Variants in SFR1 observed in about 807,000 individuals in gnomAD.
SFR1 encodes SWI5 dependent homologous recombination repair protein 1.
Under a neutral mutation model 26.2 loss-of-function variants are expected in SFR1, and 24 were observed. The observed-to-expected ratio is 0.92, with a 90% CI of 0.66 to 1.29. The LOEUF (loss-of-function observed/expected upper bound fraction) is 1.29. Among genes scored for constraint, SFR1 ranks in the 50% most tolerant of loss-of-function variants. The pLI, the probability that SFR1 is intolerant of heterozygous loss-of-function variation, is 0.00. For missense variants in SFR1, 276 were observed against 270.2 expected, an observed-to-expected ratio of 1.02 and a Z score of -0.15; for synonymous variants, 77 against 96.6, an observed-to-expected ratio of 0.80 and a Z score of 1.19.
At chr10:104,124,443 G>T (rs2134706658) in intron 3 of SFR1, among the ~76,000 whole-genome samples, 1 of 151,922 alleles carries the variant, frequency 6.6e-6, no homozygotes, top group African/African-American at 2.4e-5. Context: ...AGCTGACAGT[G>T]AATTAGTAAA....
chr10:104,122,344 A>G, intron 1 of SFR1, 148 bp downstream of exon 1: 1 of 1,393,046 alleles, frequency 7.2e-7, no homozygotes, highest in Non-Finnish European at 9.3e-7. Flanking sequence ...GGCTTTCTGC[A>G]ACGGGGGGAA....
Position 104,125,729 on chromosome 10 carries a change from C to T in SFR1, c.*25C>T. ...ATTCCTGATTTTTGCTCCAGAATAT[C>T]TTTGAGAATGACAACTTAATTAAAA... On this transcript the variant is annotated 3_prime_UTR_variant, in exon 4 of 4. Transcript: ENST00000369727. 7.0e-7 allele frequency: 1 copy of T among 1,435,094 alleles called. No homozygotes were observed. Among genetic ancestry groups the T allele is most frequent in the Non-Finnish European group, 9.6e-7 (1 of 1,044,826 alleles). 88.9% of individuals were successfully genotyped at this position (1,435,094 alleles called of 1,614,324 possible). A position where few individuals can be genotyped will look rare whatever the true frequency, so the allele number is the denominator to read the frequency against.
intron 1 of SFR1, chr10:104,122,518 C>A (rs1311713386): frequency 1.0e-6 from 1 of 985,268 alleles, no homozygotes; most frequent in East Asian, 1.1e-4. Context: ...TGCCTCGGGC[C>A]GGCAGGGTAA....
intron 3 of SFR1, among the ~76,000 whole-genome samples, chr10:104,125,129 T>C (rs1057230879): frequency 3.9e-5 from 6 of 152,214 alleles, no homozygotes; most frequent in Admixed American, 3.9e-4. Context: ...ACTTGAATAT[T>C]GTAATTTTAA....
At chr10:104,124,721 A>G (rs2087007123) in intron 3 of SFR1, among the ~76,000 whole-genome samples, 1 of 152,022 alleles carries the variant, frequency 6.6e-6, no homozygotes, top group Admixed American at 6.5e-5. Flanking sequence ...AGTGTATCTC[A>G]TTTGTTCTCT....
At chr10:104,120,264 A>C (rs1263364417), upstream of SFR1, among the ~76,000 whole-genome samples, 1 of 152,234 alleles carries the variant, frequency 6.6e-6, no homozygotes, top group African/African-American at 2.4e-5. Context: ...AACTGATGCC[A>C]ATGGATGAGT....
At chr10:104,125,387 A>T (rs562649105) in intron 3 of SFR1, 126 bp from the exon 4 acceptor site, 2 of 677,868 alleles carry the variant, frequency 3.0e-6, no homozygotes, top group Admixed American at 5.9e-5. Flanking sequence ...TTTTTCCTAG[A>T]TAGAAGTCCC....
chr10:104,123,782 G>A lies in SFR1; in HGVS notation c.204G>A (p.Val68=), dbSNP rs752652566. 11 of 1,611,714 alleles carry A rather than the reference G, an allele frequency of 6.8e-6. 1 individual carries two copies. In the South Asian group the frequency reaches 1.1e-4, roughly 16 times the overall value. ...TTTCATTTAATTCCTCTTACAATGT[G>A]GTGAAACGTCTTAAAGTAGAGAGTG... ...TRFSFNSSYN[V]VKRLKVESEE... The change falls in exon 3 of 4, where the codon GTG becomes GTA. Residue 68 remains valine, a synonymous_variant. Coordinates refer to ENST00000369727, the MANE Select transcript of SFR1 (RefSeq NM_001002759.2).
At chr10:104,125,023 G>C (rs1292957375) in intron 3 of SFR1, among the ~76,000 whole-genome samples, 2 of 152,068 alleles carry the variant, frequency 1.3e-5, no homozygotes, top group South Asian at 4.1e-4. Flanking sequence ...GTGTAGTCTT[G>C]AACTCCTGGG....
chr10:104,122,925 G>T (rs2086982373), intron 1 of SFR1, 40 bp from the exon 2 acceptor site: 2 of 1,605,104 alleles, frequency 1.2e-6, no homozygotes, highest in South Asian at 2.2e-5. Flanking sequence ...CTATAGAGAG[G>T]TGTGGTTAAT....
Position 104,125,761 on chromosome 10 carries a change from T to A in SFR1, c.*57T>A. The stretch of plus-strand genomic sequence containing the variant: ...AATGACAACTTAATTAAAAGATACT[T>A]AGGCACTTTTTTTTTTTTTTTGAGA... On this transcript the variant is annotated 3_prime_UTR_variant, in exon 4 of 4. Transcript: ENST00000369727. 1 of 1,258,152 alleles carries A rather than the reference T, an allele frequency of 7.9e-7. No individual in the cohort carries two copies. The highest frequency in any genetic ancestry group is 1.1e-6 in the Non-Finnish European group (1 of 906,242). 77.9% of individuals were successfully genotyped at this position (1,258,152 alleles called of 1,614,324 possible). A position where few individuals can be genotyped will look rare whatever the true frequency, so the allele number is the denominator to read the frequency against.
At chr10:104,120,235 C>T (rs540688673), upstream of SFR1, among the ~76,000 whole-genome samples, 1 of 152,310 alleles carries the variant, frequency 6.6e-6, no homozygotes, top group East Asian at 1.9e-4. Flanking sequence ...ACAAATCATT[C>T]TGCTTTTTCT....
Position 104,124,114 on chromosome 10 carries a change from A to T in SFR1, c.536A>T (p.Tyr179Phe), listed in dbSNP as rs148978960. Residue 179 changes from tyrosine to phenylalanine, a missense_variant, in exon 3 of 4, where the codon TAT becomes TTT. Coordinates refer to ENST00000369727, the MANE Select transcript of SFR1 (RefSeq NM_001002759.2). ...CGGAGGCTAAAACTAGTCAAAATGT[A>T]TAGATCAAAGGTGAGAAGAATTTCA... is the stretch of plus-strand genomic sequence containing the variant. ...LLRRLKLVKM[Y>F]RSKNDLSQLQ... is the part of the protein sequence containing the mutation. 81 of 1,601,760 alleles carry T rather than the reference A, an allele frequency of 5.1e-5. No individual in the cohort carries two copies. The African/African-American group carries it at 9.0e-4, about 18-fold the overall frequency.
upstream of SFR1, among the ~76,000 whole-genome samples, chr10:104,120,360 C>T (rs1336527950): frequency 6.6e-6 from 1 of 152,140 alleles, no homozygotes; most frequent in South Asian, 2.1e-4. Flanking sequence ...GTTCTCTCTT[C>T]CCCTTTGTAA....
intron 3 of SFR1, 22 bp downstream of exon 3, chr10:104,124,146 T>C: frequency 6.8e-7 from 1 of 1,463,266 alleles, no homozygotes; most frequent in Non-Finnish European, 9.1e-7. Context: ...TTCAGGACCA[T>C]TGCATAATTT....
chr10:104,125,827 G>A lies in SFR1; in HGVS notation c.*123G>A. On this transcript the variant is annotated 3_prime_UTR_variant, in exon 4 of 4. Transcript: ENST00000369727. ...GTCATCCTGGCTGGAGTGTGATGGT[G>A]CGATCTTGACTCACTGCAACCTCTG... 1.6e-6 allele frequency: 1 copy of A among 632,940 alleles called. No homozygotes were observed. The highest frequency in any genetic ancestry group is 2.7e-6 in the Non-Finnish European group (1 of 375,860). The allele number at this position is 632,940 out of a possible 1,614,324, so 39.2% of individuals were successfully genotyped here.
At chr10:104,121,355 A>C (rs1249665799), upstream of SFR1, among the ~76,000 whole-genome samples, 2 of 151,826 alleles carry the variant, frequency 1.3e-5, no homozygotes, top group Non-Finnish European at 2.9e-5. Context: ...ACAACAAAAA[A>C]CCTCGCGACG....
At position 104,124,083 on chromosome 10, in the gene SFR1, C is replaced by A. The variant is rs1295771926; in HGVS notation, c.505C>A (p.Leu169Ile). Reference protein sequence around the residue: ...LVKQVQEKEDLLRRLKLVKMY... With the variant: ...LVKQVQEKEDILRRLKLVKMY... ...GAAGCAGGTTCAGGAGAAAGAAGAC[C>A]TTCTTCGGAGGCTAAAACTAGTCAA... The change falls in exon 3 of 4, where the codon CTT becomes ATT. Residue 169 changes from leucine (L) to isoleucine (I), a missense_variant. Coordinates refer to ENST00000369727, the MANE Select transcript of SFR1 (RefSeq NM_001002759.2). 1 of 1,613,106 alleles carries A rather than the reference C, an allele frequency of 6.2e-7. No individual in the cohort carries two copies.
chr10:104,122,270 G>C, intron 1 of SFR1, 74 bp downstream of exon 1: 1 of 1,472,106 alleles, frequency 6.8e-7, no homozygotes, highest in Admixed American at 2.4e-5. Context: ...GTCGAGTTGA[G>C]CTCCCTTTCC....
Sources: gnomAD v4.1 joint callset for allele counts (sites outside exome capture counted in the v4.1 genomes callset) on GRCh38, gnomAD v4.1.1 for gene constraint, MANE v1.5 for transcripts, NCBI Gene and HGNC (gene_info 2026-07-23, HGNC 2026-07-21) for gene names.